Variants in CLEC17A observed in about 807,000 individuals in gnomAD.
CLEC17A encodes the protein C-type lectin domain family 17, member A.
A neutral mutation model predicts 61.3 loss-of-function variants in CLEC17A; 37 were observed. The observed-to-expected ratio is 0.60, with a 90% confidence interval of 0.46 to 0.79. The LOEUF (loss-of-function observed/expected upper bound fraction) is 0.79, where lower values mean the gene tolerates loss of function less well. Ranked by LOEUF, CLEC17A falls within the 30% of genes least tolerant of loss-of-function variation. The pLI is 0.00. For synonymous variants in CLEC17A, 168 were observed against 164.9 expected, an observed-to-expected ratio of 1.02 and a Z score of -0.14; for missense variants, 418 against 464.7, an observed-to-expected ratio of 0.90 and a Z score of 0.92.
intron 10 of CLEC17A, among the ~76,000 whole-genome samples, chr19:14,598,344 TTC>T (rs2074606035): frequency 6.6e-6 from 1 of 151,282 alleles, no homozygotes; most frequent in South Asian, 2.1e-4. Flanking sequence ...CTTTCTTTCT[TTC>T]TTTCTTTTTC....
intron 3 of CLEC17A, among the ~76,000 whole-genome samples, chr19:14,590,371 T>C (rs538277702): frequency 1.3e-5 from 2 of 151,274 alleles, no homozygotes; most frequent in Non-Finnish European, 2.9e-5. Flanking sequence ...ATTTTAATGT[T>C]TCTTAATTTC....
rs774911294 is a variant in CLEC17A, at chr19:14,599,975, T to A, written c.743-56T>A. The A allele has an allele frequency of 1.9e-6, 3 of 1,595,542 alleles. No individual in the cohort carries two copies. The African/African-American group carries it at 4.0e-5, about 21-fold the overall frequency. ...GCCTGCACAACTGTACATGGCATACTATGTACATGGCTCAGGTTCTGGGGC... is the reference window on the plus strand; with the variant it reads ...GCCTGCACAACTGTACATGGCATACAATGTACATGGCTCAGGTTCTGGGGC... On this transcript the variant is annotated intron_variant, in intron 11 of 13. Transcript: ENST00000417570.
intron 8 of CLEC17A, 70 bp downstream of exon 8, chr19:14,595,385 A>T: frequency 6.5e-7 from 1 of 1,547,890 alleles, no homozygotes. Context: ...CTCTACAGTG[A>T]GACCCTGAGT....
intron 13 of CLEC17A, 44 bp downstream of exon 13, chr19:14,607,146 GC>G: frequency 1.0e-6 from 1 of 958,264 alleles, no homozygotes; most frequent in African/African-American, 1.7e-5. Flanking sequence ...TCCTCTGTGG[GC>G]CCTGACCATG....
chr19:14,600,105 A>C lies in CLEC17A; in HGVS notation c.817A>C (p.Lys273Gln). Residue 273 changes from lysine (K) to glutamine (Q), a missense_variant, in exon 12 of 14, where the codon AAG becomes CAG. Transcript: ENST00000417570. ...GTGTTACTACTTCTCCCCAAGCACC[A>C]AGTCATGGGATGAGGCCCGGATGTT... ...GKCYYFSPSTKSWDEARMFCQ... is the reference protein window; with the variant it reads ...GKCYYFSPSTQSWDEARMFCQ... 1 of 1,613,994 alleles carries C rather than the reference A, an allele frequency of 6.2e-7. No individual in the cohort carries two copies. The highest frequency in any genetic ancestry group is 8.5e-7 in the Non-Finnish European group (1 of 1,179,878).
At position 14,597,101 on chromosome 19, in the gene CLEC17A, C is replaced by T. The variant is rs1452323438; in HGVS notation, c.586C>T (p.Gln196Ter). 1 of 1,613,170 alleles carries T rather than the reference C, an allele frequency of 6.2e-7. No individual in the cohort carries two copies. Among genetic ancestry groups the T allele is most frequent in the Non-Finnish European group, 8.5e-7 (1 of 1,179,570 alleles). ...TCAATTTGGACTCTTCTTCATAGACCAGGAGTTGATGGAAGAACTGAGAAT... is the reference window on the plus strand; with the variant it reads ...TCAATTTGGACTCTTCTTCATAGACTAGGAGTTGATGGAAGAACTGAGAAT... ...LGLTVTLIKY[Q>*]ELMEELRMLS... The change falls in exon 10 of 14, where the codon CAG becomes TAG. Residue 196 changes from glutamine (Q) to a stop codon, truncating the protein, a stop_gained and splice_region_variant. Transcript: ENST00000417570. LOFTEE classifies it high-confidence loss of function.
At chr19:14,609,183 C>G (rs376075481) in intron 13 of CLEC17A, among the ~76,000 whole-genome samples, 1 of 152,164 alleles carries the variant, frequency 6.6e-6, no homozygotes, top group South Asian at 2.1e-4. Context: ...ACCTAAGACA[C>G]TACCCAACTC....
At chr19:14,596,846 A>G in intron 8 of CLEC17A, 30 bp from the exon 9 acceptor site, 1 of 1,603,758 alleles carries the variant, frequency 6.2e-7, no homozygotes, top group Middle Eastern at 2.0e-4. Context: ...CCCCAGTATC[A>G]GTCTCTCTGT....
chr19:14,610,231 T>G lies in CLEC17A; in HGVS notation c.*35T>G. On this transcript the variant is annotated 3_prime_UTR_variant, in exon 14 of 14. Coordinates refer to ENST00000417570, the MANE Select transcript of CLEC17A (RefSeq NM_001204118.2). ...CCGAGGCTGGGGGTCCATATCTGAG[T>G]GTCTCTTTGAGATGAGAATCTCCTG... is the stretch of plus-strand genomic sequence containing the variant. 6.5e-7 allele frequency: 1 copy of G among 1,546,406 alleles called. No homozygotes were observed. Among genetic ancestry groups the G allele is most frequent in the Non-Finnish European group, 8.7e-7 (1 of 1,147,178 alleles).
chr19:14,587,739 G>A, intron 3 of CLEC17A, 48 bp downstream of exon 3: 1 of 1,609,122 alleles, frequency 6.2e-7, no homozygotes, highest in Non-Finnish European at 8.5e-7. Flanking sequence ...AGGGAACGGG[G>A]TCTCCAGTGG....
At chr19:14,586,891 C>T (rs187793169) in intron 2 of CLEC17A, among the ~76,000 whole-genome samples, 12,659 of 121,268 alleles carry the variant, frequency 0.1, 722 homozygotes, top group African/African-American at 0.18. Flanking sequence ...TTCTTTCTTT[C>T]TTTTTTTTTT....
intron 4 of CLEC17A, among the ~76,000 whole-genome samples, chr19:14,594,219 G>C (rs1228165445): frequency 1.3e-5 from 2 of 152,086 alleles, no homozygotes; most frequent in South Asian, 4.1e-4. Flanking sequence ...GGAGGTTTCA[G>C]TGAGATGAGA....
intron 3 of CLEC17A, among the ~76,000 whole-genome samples, chr19:14,587,946 A>G (rs35216000): frequency 6.7e-6 from 1 of 149,614 alleles, no homozygotes; most frequent in African/African-American, 2.6e-5. Flanking sequence ...GAGGGCTCAA[A>G]TAGAGGAAGG....
At chr19:14,608,948 C>T (rs940872690) in intron 13 of CLEC17A, among the ~76,000 whole-genome samples, 12 of 151,892 alleles carry the variant, frequency 7.9e-5, no homozygotes, top group African/African-American at 1.9e-4. Flanking sequence ...TACAGGCGCC[C>T]GCCACCATGC....
intron 4 of CLEC17A, among the ~76,000 whole-genome samples, chr19:14,593,991 AC>A (rs113059394): frequency 0.065 from 9,759 of 149,982 alleles, 1,104 homozygotes; most frequent in African/African-American, 0.23. Context: ...AAACAAACAA[AC>A]AAAAACATGG....
At chr19:14,586,338 G>C (rs1401220339) in intron 2 of CLEC17A, among the ~76,000 whole-genome samples, 2 of 151,986 alleles carry the variant, frequency 1.3e-5, no homozygotes, top group Admixed American at 6.6e-5. Flanking sequence ...TGGTCAGGCT[G>C]GTCTCGAACT....
upstream of CLEC17A, among the ~76,000 whole-genome samples, chr19:14,582,513 G>A (rs986869773): frequency 1.3e-5 from 2 of 152,038 alleles, no homozygotes; most frequent in Non-Finnish European, 2.9e-5. Flanking sequence ...TGCCTGGCCT[G>A]TAAAGCCATT....
intron 13 of CLEC17A, 82 bp from the exon 14 acceptor site, chr19:14,609,982 T>C: frequency 9.9e-7 from 1 of 1,005,258 alleles, no homozygotes; most frequent in Admixed American, 2.0e-5. Context: ...TAGTGCCAGG[T>C]ATTCATCATT....
In CLEC17A at chr19:14,587,705, TTGGAGTGTGACCTGGG is replaced by T. The variant is rs1248491475; in HGVS notation, c.199+15_199+30del. The T allele has an allele frequency of 6.2e-7, 1 of 1,609,428 alleles. No homozygotes were observed. Among genetic ancestry groups the T allele is most frequent in the East Asian group, 2.2e-5 (1 of 44,712 alleles). On this transcript the variant is annotated intron_variant, in intron 3 of 13. Transcript: ENST00000417570. ...CTCCCAAGCCAGGTAAGAGGACTTT[TTGGAGTGTGACCTGGG>T]GGAATACAGGGAACGGGGTCTCCAG... is the stretch of plus-strand genomic sequence containing the variant.
Sources: gnomAD v4.1 joint callset for allele counts (sites outside exome capture counted in the v4.1 genomes callset) on GRCh38, gnomAD v4.1.1 for gene constraint, MANE v1.5 for transcripts, NCBI Gene and HGNC (gene_info 2026-07-23, HGNC 2026-07-21) for gene names.